The following RFWD3 variants were observed in gnomAD, a reference collection of about 807,000 sequenced individuals.
RFWD3 encodes ring finger and WD repeat domain 3, also known as E3 ubiquitin-protein ligase RFWD3.
RFWD3 carries 65 observed loss-of-function variants against 87.7 expected under a neutral mutation model. The ratio of observed to expected loss-of-function variants is 0.74; its 90% CI spans 0.61 to 0.91. RFWD3 has a LOEUF of 0.91. Ranked by LOEUF, RFWD3 falls within the 40% of genes least tolerant of loss-of-function variation. The pLI is 0.00. For missense variants in RFWD3, 1,078 were observed against 938.5 expected (o/e 1.15, Z -1.94); for synonymous variants, 433 against 352.8 (o/e 1.23, Z -2.55).
At chr16:74,658,139 C>T (rs115487663) in intron 2 of RFWD3, among the ~76,000 whole-genome samples, 2 of 152,288 alleles carry the variant, frequency 1.3e-5, no homozygotes, top group African/African-American at 4.8e-5. Context: ...TCCTCCTTCC[C>T]TGCACTTACC....
intron 12 of RFWD3, among the ~76,000 whole-genome samples, chr16:74,625,518 A>G (rs2144013493): frequency 6.6e-6 from 1 of 151,356 alleles, no homozygotes; most frequent in Non-Finnish European, 1.5e-5. Context: ...TCTCAAGAAA[A>G]AAAAAAAAAG....
intron 1 of RFWD3, among the ~76,000 whole-genome samples, chr16:74,666,078 G>C (rs1243450840): frequency 2.0e-5 from 3 of 152,088 alleles, no homozygotes; most frequent in Non-Finnish European, 4.4e-5. Flanking sequence ...GAAGAGGAGG[G>C]AGAGGGAGAC....
intron 1 of RFWD3, 174 bp downstream of exon 1, chr16:74,666,612 C>G (rs1007353376): frequency 6.6e-6 from 1 of 152,278 alleles, no homozygotes; most frequent in Non-Finnish European, 1.5e-5. Flanking sequence ...TCCTTAGCCC[C>G]GACCACTGGC....
intron 1 of RFWD3, among the ~76,000 whole-genome samples, chr16:74,663,288 G>C (rs1248265286): frequency 6.6e-6 from 1 of 152,190 alleles, no homozygotes; most frequent in Non-Finnish European, 1.5e-5. Flanking sequence ...ACTAAAGTCA[G>C]AGACACTACT....
intron 8 of RFWD3, among the ~76,000 whole-genome samples, chr16:74,634,881 C>A (rs1248153369): frequency 6.6e-6 from 1 of 152,006 alleles, no homozygotes; most frequent in East Asian, 1.9e-4. Flanking sequence ...GTGGCTCATG[C>A]CTGTAATCCC....
chr16:74,644,091 G>C (rs967171954), intron 6 of RFWD3: 1 of 511,726 alleles, frequency 2.0e-6, no homozygotes, highest in Non-Finnish European at 3.5e-6. Context: ...GGGGTGGTCA[G>C]GGATATGAGA....
Position 74,636,440 on chromosome 16 carries a change from T to C in RFWD3, c.1332A>G (p.Val444=), listed in dbSNP as rs1240375818. The change falls in exon 8 of 13, where the codon GTA becomes GTG. Residue 444 remains valine, a synonymous_variant. Coordinates refer to ENST00000361070, the MANE Select transcript of RFWD3 (RefSeq NM_018124.4). The part of the protein sequence containing the change: ...HKYHFQKTFT[V]SQAGNCRIMA... ...TGATCCGGCAGTTTCCTGCCTGAGATACTGTGAAGGTCTTTTGGAAGTGGT... is the reference window on the plus strand; with the variant it reads ...TGATCCGGCAGTTTCCTGCCTGAGACACTGTGAAGGTCTTTTGGAAGTGGT... 2.5e-6 allele frequency: 4 copies of C among 1,614,156 alleles called. No homozygotes were observed. Among genetic ancestry groups the C allele is most frequent in the Admixed American group, 3.3e-5 (2 of 60,026 alleles).
chr16:74,643,740 A>G (rs1248887970), intron 6 of RFWD3, among the ~76,000 whole-genome samples: 1 of 146,282 alleles, frequency 6.8e-6, no homozygotes, highest in East Asian at 2.0e-4. Context: ...CAGTGGTGCA[A>G]TTTCGGCTCA....
At chr16:74,666,262 T>G (rs563501333) in intron 1 of RFWD3, 2 of 152,368 alleles carry the variant, frequency 1.3e-5, no homozygotes, top group East Asian at 3.9e-4. Flanking sequence ...GTTCTTTTAC[T>G]ACATGGGGAA....
At chr16:74,666,381 C>T (rs1044203637) in intron 1 of RFWD3, 4 of 152,186 alleles carry the variant, frequency 2.6e-5, no homozygotes, top group African/African-American at 9.7e-5. Context: ...TGAAGTTCTT[C>T]CATCAACTTT....
At chr16:74,643,669 GTTTTT>G (rs35397997) in intron 6 of RFWD3, among the ~76,000 whole-genome samples, 1 of 105,054 alleles carries the variant, frequency 9.5e-6, no homozygotes, top group Admixed American at 1.0e-4. Flanking sequence ...ACTAGCAACT[GTTTTT>G]TTTTTTTTTT....
rs534242148 is a variant in RFWD3, at chr16:74,642,941, A to T, written c.1079+1421T>A. ...AGGCTGGAGAGTATACTAATTCCTTATTGTAATCAGTGAATTGTTTTTAAA... is the reference window on the plus strand; with the variant it reads ...AGGCTGGAGAGTATACTAATTCCTTTTTGTAATCAGTGAATTGTTTTTAAA... On this transcript the variant is annotated intron_variant, in intron 6 of 12. Coordinates refer to ENST00000361070, the MANE Select transcript of RFWD3 (RefSeq NM_018124.4). Among the ~76,000 whole-genome samples the T allele has an allele frequency of 2.6e-5, 4 of 152,334 alleles. No homozygotes were observed. The East Asian group carries it at 5.8e-4, about 22-fold the overall frequency.
In RFWD3 at chr16:74,648,111, A is replaced by G. The variant is rs1371004619; in HGVS notation, c.792+1021T>C. ...AGGCGCATGCCACCACACCTGGCGAATGTGCTTAATAATTTATAAAGCACA... is the reference window on the plus strand; with the variant it reads ...AGGCGCATGCCACCACACCTGGCGAGTGTGCTTAATAATTTATAAAGCACA... On this transcript the variant is annotated intron_variant, in intron 4 of 12. Transcript: ENST00000361070. Among the ~76,000 whole-genome samples, 5 of 152,262 alleles carry G rather than the reference A, an allele frequency of 3.3e-5. No homozygotes were observed. The East Asian group carries it at 9.7e-4, about 30-fold the overall frequency.
chr16:74,662,608 G>C (rs1333328919), intron 1 of RFWD3, among the ~76,000 whole-genome samples: 1 of 152,206 alleles, frequency 6.6e-6, no homozygotes, highest in South Asian at 2.1e-4. Flanking sequence ...AGGATTAAAA[G>C]CAGCTGGCTA....
At chr16:74,645,833 AGTTCCGCCTCCTGG>A (rs544292997) in intron 4 of RFWD3, among the ~76,000 whole-genome samples, 17 of 144,286 alleles carry the variant, frequency 1.2e-4, no homozygotes, top group African/African-American at 3.4e-4. Context: ...GCTCACTGCA[AGTTCCGCCTCCTGG>A]GTTCACACCA....
intron 2 of RFWD3, among the ~76,000 whole-genome samples, chr16:74,659,270 G>A (rs1364059932): frequency 6.6e-6 from 1 of 152,168 alleles, no homozygotes; most frequent in East Asian, 1.9e-4. Flanking sequence ...GAGGCCTCCT[G>A]ACAGTCAGCC....
At chr16:74,660,548 G>C (rs1461612647) in intron 2 of RFWD3, 1 of 186,068 alleles carries the variant, frequency 5.4e-6, no homozygotes, top group East Asian at 1.5e-4. Context: ...AGCCCTTCAA[G>C]AGGCAAGTTC....
At chr16:74,655,961 T>C (rs1312027423) in intron 2 of RFWD3, among the ~76,000 whole-genome samples, 1 of 152,202 alleles carries the variant, frequency 6.6e-6, no homozygotes, top group East Asian at 1.9e-4. Context: ...TTACTGCTCA[T>C]TGACAATGCA....
intron 1 of RFWD3, chr16:74,664,834 A>T (rs1258221164): frequency 1.3e-5 from 2 of 152,102 alleles, no homozygotes; most frequent in Non-Finnish European, 2.9e-5. Context: ...AGGGCGGGTG[A>T]CTCCCATACT....
Sources: allele counts gnomAD v4.1 joint callset (sites outside exome capture counted in the v4.1 genomes callset), GRCh38; gene constraint gnomAD v4.1.1; transcripts MANE v1.5; gene names NCBI Gene and HGNC (gene_info 2026-07-23, HGNC 2026-07-21).